PPP2R2C: variants seen among roughly 807,000 people sequenced by gnomAD.
PPP2R2C encodes protein phosphatase 2, regulatory subunit B, gamma.
Under a neutral mutation model 45.3 loss-of-function variants are expected in PPP2R2C, and 10 were observed. The ratio of observed to expected loss-of-function variants is 0.22; its 90% CI spans 0.14 to 0.37. PPP2R2C has a LOEUF of 0.37. Ranked by LOEUF, PPP2R2C falls within the 10% of genes least tolerant of loss-of-function variation. The probability of loss-of-function intolerance (pLI) is 1.00; values close to 1 mark genes in which losing one functional copy is unlikely to be tolerated. For synonymous variants in PPP2R2C, 257 were observed against 245.4 expected, an observed-to-expected ratio of 1.05 and a Z score of -0.44; for missense variants, 308 against 619.7, an observed-to-expected ratio of 0.50 and a Z score of 5.34.
chr4:6,556,292 A>G (rs570232182), intron 1 of PPP2R2C, among the ~76,000 whole-genome samples: 8 of 152,236 alleles, frequency 5.3e-5, no homozygotes, highest in Admixed American at 2.6e-4. Flanking sequence ...GCCTGAATGG[A>G]ACAAAAAGGC....
intron 2 of PPP2R2C, among the ~76,000 whole-genome samples, chr4:6,531,348 G>A (rs1030601890): frequency 2.0e-5 from 3 of 152,300 alleles, no homozygotes; most frequent in East Asian, 1.9e-4. Context: ...GAGCCAACCC[G>A]TGACAGCAAA....
At position 6,328,259 on chromosome 4, in the gene PPP2R2C, T is replaced by A. The variant is rs1048582235; in HGVS notation, c.1052+1003A>T. Among the ~76,000 whole-genome samples, 19 of 152,150 alleles carry A rather than the reference T, an allele frequency of 1.2e-4. No individual in the cohort carries two copies. The East Asian group carries it at 3.7e-3, about 30-fold the overall frequency. ...TGACAGTACATGGGCTCCTGACAGGTGGTATTCTGATCTAGCAGCCAGTGT... is the reference window on the plus strand; with the variant it reads ...TGACAGTACATGGGCTCCTGACAGGAGGTATTCTGATCTAGCAGCCAGTGT... On this transcript the variant is annotated intron_variant, in intron 8 of 8. Coordinates refer to ENST00000382599, the MANE Select transcript of PPP2R2C (RefSeq NM_020416.4). The surrounding 1 kb of genome is among the most constrained non-coding windows in gnomAD (Gnocchi z 4.4).
rs541522464 is a variant in PPP2R2C at position 6,539,247 on chromosome 4, C to T, written c.-58-3870G>A. On this transcript the variant is annotated intron_variant, in intron 1 of 9. Transcript: ENST00000506140. ...GAGGTTGGGATGAGGCTTCCACAAG[C>T]CAGGGAGTGGCACAGGTTGTGGGCA... 2.0e-5 allele frequency among the ~76,000 whole-genome samples: 3 copies of T among 152,194 alleles called. No homozygotes were observed. In the South Asian group the frequency reaches 6.2e-4, roughly 32 times the overall value.
chr4:6,491,575 A>G (rs1295723225), intron 2 of PPP2R2C, among the ~76,000 whole-genome samples: 2 of 152,214 alleles, frequency 1.3e-5, no homozygotes, highest in African/African-American at 2.4e-5. Flanking sequence ...GAACTGGGCC[A>G]GTGATATAAG....
At chr4:6,413,653 C>T (rs1485602445) in intron 1 of PPP2R2C, among the ~76,000 whole-genome samples, 3 of 152,220 alleles carry the variant, frequency 2.0e-5, no homozygotes, top group Admixed American at 6.5e-5. Flanking sequence ...CACCACAGCA[C>T]TCACCTGTTC....
chr4:6,530,181 G>A (rs978319174), intron 2 of PPP2R2C, among the ~76,000 whole-genome samples: 4 of 152,122 alleles, frequency 2.6e-5, no homozygotes. Context: ...GTCTTAAGCC[G>A]GGGTCCCGGG....
rs576500687 is a variant in PPP2R2C, at chr4:6,404,687, C to T, written c.71-23593G>A. ...CCAGGAAGCTGTAGTTAACAGATTC[C>T]AAGGGGGGTTCTAAGGAGGCAGGTG... is the stretch of plus-strand genomic sequence containing the variant. On this transcript the variant is annotated intron_variant, in intron 1 of 8. Coordinates refer to ENST00000382599, the MANE Select transcript of PPP2R2C (RefSeq NM_020416.4). Among the ~76,000 whole-genome samples, 756 of 152,214 alleles carry T rather than the reference C, an allele frequency of 5.0e-3. 3 individuals are homozygous for T. Among genetic ancestry groups the T allele is most frequent in the South Asian group, 0.012 (56 of 4,820 alleles).
intron 6 of PPP2R2C, among the ~76,000 whole-genome samples, chr4:6,337,676 A>C (rs1733088927): frequency 6.6e-6 from 1 of 152,280 alleles, no homozygotes; most frequent in East Asian, 1.9e-4. Context: ...TGGGTGTCAC[A>C]GGGCAGAACG....
chr4:6,501,684 G>A (rs532570810), intron 2 of PPP2R2C, among the ~76,000 whole-genome samples: 28 of 152,336 alleles, frequency 1.8e-4, no homozygotes, highest in African/African-American at 1.4e-4. Flanking sequence ...GAAGGCATGC[G>A]TGTTGGCCCA....
intron 2 of PPP2R2C, among the ~76,000 whole-genome samples, chr4:6,496,221 A>G (rs1041861791): frequency 5.3e-5 from 8 of 152,162 alleles, no homozygotes; most frequent in Admixed American, 1.3e-4. Flanking sequence ...TAGATCTTGG[A>G]CATATTTTGC....
chr4:6,349,514 C>G (rs1231600416), intron 5 of PPP2R2C: 2 of 985,320 alleles, frequency 2.0e-6, no homozygotes, highest in Non-Finnish European at 2.4e-6. Flanking sequence ...GACTGAAACT[C>G]TGAAATCCAT....
chr4:6,322,952 A>C lies in PPP2R2C; in HGVS notation c.*350T>G, dbSNP rs1430345280. 2.2e-5 allele frequency: 4 copies of C among 184,226 alleles called. No homozygotes were observed. The highest frequency in any genetic ancestry group is 4.5e-5 in the Non-Finnish European group (4 of 89,336). The allele number at this position is 184,226 out of a possible 1,614,324, so 11.4% of individuals were successfully genotyped here. A position where few individuals can be genotyped will look rare whatever the true frequency, so the allele number is the denominator to read the frequency against. The stretch of plus-strand genomic sequence containing the variant: ...AGTGAAAAATTAACCCGGACGCATA[A>C]AAAGTCCTATTGATGTGGTAAAGAC... On this transcript the variant is annotated 3_prime_UTR_variant, in exon 9 of 9. Transcript: ENST00000382599. This position sits in a 1 kb window ranked among gnomAD's most constrained non-coding sequence, Gnocchi z 7.8.
intron 1 of PPP2R2C, among the ~76,000 whole-genome samples, chr4:6,392,325 G>T (rs1716702578): frequency 6.6e-6 from 1 of 152,004 alleles, no homozygotes; most frequent in South Asian, 2.1e-4. Flanking sequence ...CCCAGAGAAA[G>T]CCCACTCTCG....
chr4:6,467,921 G>A (rs1246457967), intron 1 of PPP2R2C, among the ~76,000 whole-genome samples: 1 of 152,136 alleles, frequency 6.6e-6, no homozygotes, highest in African/African-American at 2.4e-5. Context: ...TCACAAGAGA[G>A]GGACCAACTA....
chr4:6,391,870 G>A (rs1716669061), intron 1 of PPP2R2C, among the ~76,000 whole-genome samples: 1 of 152,220 alleles, frequency 6.6e-6, no homozygotes, highest in Non-Finnish European at 1.5e-5. Context: ...ATCCCACCCT[G>A]ACCAGCTGTG....
At chr4:6,420,817 TG>T in intron 1 of PPP2R2C, 1 of 518,158 alleles carries the variant, frequency 1.9e-6, no homozygotes, top group Non-Finnish European at 2.5e-6. Context: ...GTATTTGACA[TG>T]GAATGACGGC....
intron 1 of PPP2R2C, among the ~76,000 whole-genome samples, chr4:6,407,099 T>C (rs910651757): frequency 2.6e-5 from 4 of 152,226 alleles, no homozygotes; most frequent in Non-Finnish European, 4.4e-5. Context: ...AGAGGGAACG[T>C]AGGCCTACGG....
Position 6,323,285 on chromosome 4 carries a change from C to G in PPP2R2C, c.*17G>C. 6.4e-7 allele frequency: 1 copy of G among 1,571,898 alleles called. No homozygotes were observed. Among genetic ancestry groups the G allele is most frequent in the Non-Finnish European group, 8.7e-7 (1 of 1,151,202 alleles). ...CTTGCATGAGGCTGGGTGGCAGGGG[C>G]CGGGAACTGCACATACCTAGTGCAT... On this transcript the variant is annotated 3_prime_UTR_variant, in exon 9 of 9. Transcript: ENST00000382599.
In PPP2R2C at chr4:6,364,316, C is replaced by A. The variant is rs1375214751; in HGVS notation, c.625+8207G>T. On this transcript the variant is annotated intron_variant, in intron 5 of 8. Transcript: ENST00000382599. The surrounding 1 kb of genome is among the most constrained non-coding windows in gnomAD (Gnocchi z 5.3). ...TGGAAATATGGTGAAGAGCAGGGGGCCGGGAACGCTGAGCCCAGGGAGCAA... is the reference window on the plus strand; with the variant it reads ...TGGAAATATGGTGAAGAGCAGGGGGACGGGAACGCTGAGCCCAGGGAGCAA... Among the ~76,000 whole-genome samples, 1 of 152,144 alleles carries A rather than the reference C, an allele frequency of 6.6e-6. No individual in the cohort carries two copies. Among genetic ancestry groups the A allele is most frequent in the Non-Finnish European group, 1.5e-5 (1 of 68,032 alleles).
Sources: allele counts gnomAD v4.1 joint callset (sites outside exome capture counted in the v4.1 genomes callset), GRCh38; gene constraint gnomAD v4.1.1; non-coding constraint Gnocchi (gnomAD v3.1); transcripts MANE v1.5; gene names NCBI Gene and HGNC (gene_info 2026-07-23, HGNC 2026-07-21).